Variants in RAPGEF4 observed in about 807,000 individuals in gnomAD.
RAPGEF4 encodes Rap guanine nucleotide exchange factor 4.
Under a neutral mutation model 147.9 loss-of-function variants are expected in RAPGEF4, and 66 were observed. That is an observed-to-expected ratio of 0.45 (90% CI 0.37 to 0.55). The LOEUF (loss-of-function observed/expected upper bound fraction) is 0.55, where lower values mean the gene tolerates loss of function less well. Among genes scored for constraint, RAPGEF4 ranks in the 20% least tolerant of loss-of-function variants. The pLI is 0.00. For synonymous variants in RAPGEF4, 419 were observed against 442.7 expected, an observed-to-expected ratio of 0.95 and a Z score of 0.67; for missense variants, 1,071 against 1,257.3, an observed-to-expected ratio of 0.85 and a Z score of 2.24.
intron 28 of RAPGEF4, 65 bp from the exon 29 acceptor site, chr2:173,036,563 A>G (rs778471951): frequency 1.6e-6 from 2 of 1,251,364 alleles, no homozygotes; most frequent in Non-Finnish European, 2.3e-6. Context: ...TAATGGTGCT[A>G]TTGTGCTTTC....
At chr2:172,934,549 A>G (rs967067687) in intron 6 of RAPGEF4, among the ~76,000 whole-genome samples, 1 of 152,180 alleles carries the variant, frequency 6.6e-6, no homozygotes, top group Non-Finnish European at 1.5e-5. Flanking sequence ...AATGCAATGA[A>G]TTATTGATTT....
chr2:172,857,618 A>G (rs1433815826), intron 4 of RAPGEF4, among the ~76,000 whole-genome samples: 1 of 152,178 alleles, frequency 6.6e-6, no homozygotes, highest in Non-Finnish European at 1.5e-5. Flanking sequence ...GCCAGGTGTC[A>G]TGTCCATAAT....
intron 16 of RAPGEF4, among the ~76,000 whole-genome samples, chr2:172,998,362 G>A (rs113264701): frequency 1.3e-5 from 2 of 152,298 alleles, no homozygotes; most frequent in African/African-American, 2.4e-5. Flanking sequence ...TATTGTATAC[G>A]TAAGTTGGAA....
At chr2:172,826,866 A>T (rs1689723931) in intron 4 of RAPGEF4, among the ~76,000 whole-genome samples, 2 of 151,954 alleles carry the variant, frequency 1.3e-5, no homozygotes, top group African/African-American at 4.8e-5. Flanking sequence ...TGGGAGGCTG[A>T]GGTGGGAGGA....
At chr2:172,885,279 CCCCTGCCTCACTTTCCTCCT>C (rs1300374863) in intron 4 of RAPGEF4, among the ~76,000 whole-genome samples, 2 of 152,164 alleles carry the variant, frequency 1.3e-5, no homozygotes, top group Non-Finnish European at 2.9e-5. Flanking sequence ...CTTTTCCTTC[CCCCTGCCTCACTTTCCTCCT>C]CCCTGCCTCA....
chr2:172,918,595 A>G (rs1684365055), intron 5 of RAPGEF4, among the ~76,000 whole-genome samples: 1 of 152,288 alleles, frequency 6.6e-6, no homozygotes, highest in Non-Finnish European at 1.5e-5. Flanking sequence ...TCTCTGTGGT[A>G]TTCTTCTCTA....
intron 6 of RAPGEF4, among the ~76,000 whole-genome samples, chr2:172,957,662 G>C (rs1217696725): frequency 6.6e-6 from 1 of 152,122 alleles, no homozygotes; most frequent in East Asian, 1.9e-4. Flanking sequence ...TAAATAAAGG[G>C]ACCATCCCCT....
At chr2:172,838,026 G>A (rs907246904) in intron 4 of RAPGEF4, among the ~76,000 whole-genome samples, 2 of 152,126 alleles carry the variant, frequency 1.3e-5, no homozygotes, top group African/African-American at 2.4e-5. Context: ...AGACTCTGGG[G>A]TGAACAATCA....
At chr2:172,865,848 A>G (rs1287232132) in intron 4 of RAPGEF4, among the ~76,000 whole-genome samples, 2 of 152,074 alleles carry the variant, frequency 1.3e-5, no homozygotes, top group African/African-American at 2.4e-5. Flanking sequence ...GTGTGTGTGT[A>G]TATATATATT....
chr2:172,837,678 C>T (rs542373610), intron 4 of RAPGEF4, among the ~76,000 whole-genome samples: 2 of 152,146 alleles, frequency 1.3e-5, no homozygotes, highest in African/African-American at 2.4e-5. Flanking sequence ...GGGTTCAATC[C>T]CACCTCAGCC....
chr2:172,789,423 T>C (rs972309274), intron 1 of RAPGEF4, among the ~76,000 whole-genome samples: 1 of 152,204 alleles, frequency 6.6e-6, no homozygotes, highest in Non-Finnish European at 1.5e-5. Context: ...TACAGTGTCT[T>C]TGTTTACAAA....
chr2:172,952,128 A>G (rs1303647122), intron 6 of RAPGEF4, among the ~76,000 whole-genome samples: 3 of 152,176 alleles, frequency 2.0e-5, no homozygotes, highest in Non-Finnish European at 4.4e-5. Flanking sequence ...CTCCTGCTTC[A>G]GTCTCTCAAG....
At position 173,028,570 on chromosome 2, in the gene RAPGEF4, T is replaced by TA. The variant is rs1169754256; in HGVS notation, c.2558+1311_2558+1312insA. 7.2e-4 allele frequency among the ~76,000 whole-genome samples: 109 copies of TA among 152,096 alleles called. 2 individuals carry two copies. The highest frequency in any genetic ancestry group is 1.8e-4 in the Non-Finnish European group (12 of 68,018). ...CAGGACTTTTTTTTATATATATATA[T>TA]TTTTGCTTTTCTTATCCCTCTCCCT... On this transcript the variant is annotated intron_variant, in intron 25 of 30. Transcript: ENST00000397081.
At chr2:172,753,007 CA>C (rs1695433516) in intron 1 of RAPGEF4, among the ~76,000 whole-genome samples, 1 of 152,076 alleles carries the variant, frequency 6.6e-6, no homozygotes, top group Non-Finnish European at 1.5e-5. Context: ...GATGTCAAAG[CA>C]ATTCTAATTT....
chr2:173,031,807 A>T (rs1697219316), intron 26 of RAPGEF4, among the ~76,000 whole-genome samples: 1 of 152,174 alleles, frequency 6.6e-6, no homozygotes, highest in African/African-American at 2.4e-5. Context: ...TTATCCTTTC[A>T]TCATTTATAA....
At chr2:172,854,455 A>C (rs1693190081) in intron 4 of RAPGEF4, among the ~76,000 whole-genome samples, 1 of 151,760 alleles carries the variant, frequency 6.6e-6, no homozygotes, top group Non-Finnish European at 1.5e-5. Context: ...TTATTTTCTA[A>C]CTATCTGTTT....
intron 16 of RAPGEF4, among the ~76,000 whole-genome samples, chr2:172,999,236 T>C (rs1233537345): frequency 6.6e-6 from 1 of 152,162 alleles, no homozygotes; most frequent in African/African-American, 2.4e-5. Flanking sequence ...TTTCCTGCAG[T>C]TTTTCCTGAT....
chr2:172,957,597 C>A (rs1688869773), intron 6 of RAPGEF4, among the ~76,000 whole-genome samples: 1 of 152,200 alleles, frequency 6.6e-6, no homozygotes, highest in South Asian at 2.1e-4. Context: ...TTCCTATTCC[C>A]TCAAAATAAA....
At chr2:172,829,823 CCT>C (rs1266183932) in intron 4 of RAPGEF4, among the ~76,000 whole-genome samples, 2 of 149,612 alleles carry the variant, frequency 1.3e-5, no homozygotes, top group Admixed American at 6.7e-5. Context: ...CTCATTTAGT[CCT>C]CTGGCAGGTA....
Sources: allele counts gnomAD v4.1 joint callset (sites outside exome capture counted in the v4.1 genomes callset), GRCh38; gene constraint gnomAD v4.1.1; transcripts MANE v1.5; gene names NCBI Gene and HGNC (gene_info 2026-07-23, HGNC 2026-07-21).